DRC10: variants seen among roughly 807,000 people sequenced by gnomAD.
The protein encoded by DRC10 is IQ domain-containing protein D.
At chr12:113,205,920 A>G in the DRC10 span, among the ~76,000 whole-genome samples, 25 of 146,022 alleles carry the variant, frequency 1.7e-4, no homozygotes, top group African/African-American at 2.8e-4. Flanking sequence ...AAAAAAAAAA[A>G]AAAAGAAATC....
chr12:113,217,738 C>T, the DRC10 span, among the ~76,000 whole-genome samples: 1 of 152,176 alleles, frequency 6.6e-6, no homozygotes, highest in Admixed American at 6.5e-5. Flanking sequence ...CAGCATGTTG[C>T]CCAGGCTGGT....
At chr12:113,216,638 G>C in the DRC10 span, among the ~76,000 whole-genome samples, 1 of 152,138 alleles carries the variant, frequency 6.6e-6, no homozygotes. Context: ...GTGGGAATAG[G>C]GGGTATGTAG....
the DRC10 span, among the ~76,000 whole-genome samples, chr12:113,198,761 A>G: frequency 2.0e-5 from 3 of 152,200 alleles, no homozygotes; most frequent in Non-Finnish European, 4.4e-5. Context: ...TGAATTGCTC[A>G]TTTTAAAATG....
At chr12:113,218,891 T>A in the DRC10 span, among the ~76,000 whole-genome samples, 1 of 152,364 alleles carries the variant, frequency 6.6e-6, no homozygotes, top group African/African-American at 2.4e-5. Flanking sequence ...TTGATGACAT[T>A]TGGGTTGTTT....
At chr12:113,204,429 G>T in the DRC10 span, among the ~76,000 whole-genome samples, 1 of 152,252 alleles carries the variant, frequency 6.6e-6, no homozygotes, top group Non-Finnish European at 1.5e-5. Flanking sequence ...ACCTGGAACA[G>T]GGGTTGGCAA....
the DRC10 span, chr12:113,195,799 ACT>A: frequency 5.6e-6 from 9 of 1,612,174 alleles, no homozygotes; most frequent in East Asian, 2.0e-4. Context: ...ATCTGCGCAA[ACT>A]CTCCCACCAG....
At chr12:113,207,993 C>T in the DRC10 span, 1 of 1,614,200 alleles carries the variant, frequency 6.2e-7, no homozygotes, top group Non-Finnish European at 8.5e-7. Flanking sequence ...TGTAGATCGC[C>T]TCATCCAGGA....
At chr12:113,202,759 A>G in the DRC10 span, among the ~76,000 whole-genome samples, 1 of 152,204 alleles carries the variant, frequency 6.6e-6, no homozygotes, top group African/African-American at 2.4e-5. Context: ...TGGGGACAGC[A>G]GGGAAGTCAC....
chr12:113,221,049 CGT>C, the DRC10 span: 1 of 410,408 alleles, frequency 2.4e-6, no homozygotes, highest in Non-Finnish European at 5.0e-6. Context: ...GCGGTCCCTG[CGT>C]TGCTAGGTTA....
At chr12:113,201,307 T>C in the DRC10 span, among the ~76,000 whole-genome samples, 1 of 152,200 alleles carries the variant, frequency 6.6e-6, no homozygotes, top group Non-Finnish European at 1.5e-5. Flanking sequence ...CAACTGAGGC[T>C]CAAGGAGGTG....
the DRC10 span, among the ~76,000 whole-genome samples, chr12:113,209,915 C>G: frequency 6.6e-6 from 1 of 152,200 alleles, no homozygotes; most frequent in African/African-American, 2.4e-5. Context: ...CATCTGAGGT[C>G]AGGAGTTCAA....
chr12:113,196,941 A>C, the DRC10 span, among the ~76,000 whole-genome samples: 1 of 152,258 alleles, frequency 6.6e-6, no homozygotes, highest in Non-Finnish European at 1.5e-5. Context: ...CAGATGCAGA[A>C]ACGGGCTTGG....
chr12:113,204,396 T>C, the DRC10 span, among the ~76,000 whole-genome samples: 2 of 152,228 alleles, frequency 1.3e-5, no homozygotes, highest in African/African-American at 4.8e-5. Context: ...CTTGTCTCAT[T>C]ACTGAGGTGC....
At chr12:113,210,854 G>A in the DRC10 span, among the ~76,000 whole-genome samples, 1 of 152,128 alleles carries the variant, frequency 6.6e-6, no homozygotes, top group Non-Finnish European at 1.5e-5. Flanking sequence ...AATGAAAGCT[G>A]TAAGTTACTA....
the DRC10 span, among the ~76,000 whole-genome samples, chr12:113,215,774 TTTAGA>T: frequency 1.3e-5 from 2 of 152,190 alleles, no homozygotes; most frequent in African/African-American, 4.8e-5. Flanking sequence ...TAGTAGTGAA[TTTAGA>T]TTATTCTATA....
chr12:113,213,148 A>G, the DRC10 span, among the ~76,000 whole-genome samples: 1 of 149,554 alleles, frequency 6.7e-6, no homozygotes, highest in African/African-American at 2.5e-5. Flanking sequence ...ACAAATCCAA[A>G]CTGGCAAGTG....
the DRC10 span, chr12:113,197,679 C>A: frequency 1.0e-6 from 1 of 990,742 alleles, no homozygotes; most frequent in Non-Finnish European, 1.5e-6. Context: ...TGAGCACTCT[C>A]TGCATCACTA....
the DRC10 span, among the ~76,000 whole-genome samples, chr12:113,215,206 G>A: frequency 6.6e-6 from 1 of 152,140 alleles, no homozygotes; most frequent in Non-Finnish European, 1.5e-5. Flanking sequence ...AAGTGGAAAC[G>A]AAAAACACAT....
chr12:113,198,228 TAAAA>T, the DRC10 span, among the ~76,000 whole-genome samples: 1 of 149,222 alleles, frequency 6.7e-6, no homozygotes, highest in African/African-American at 2.5e-5. Context: ...AAATAAAAAT[TAAAA>T]AAAAAATTAA....
Sources: allele counts gnomAD v4.1 joint callset (sites outside exome capture counted in the v4.1 genomes callset), GRCh38; gene constraint gnomAD v4.1.1; transcripts MANE v1.5; gene names NCBI Gene and HGNC (gene_info 2026-07-23, HGNC 2026-07-21).